The following NUP133 variants were observed in gnomAD, a reference collection of about 807,000 sequenced individuals.
The protein encoded by NUP133 is nuclear pore complex protein Nup133.
A neutral mutation model predicts 146.2 loss-of-function variants in NUP133; 66 were observed. That is an observed-to-expected ratio of 0.45 (90% CI 0.37 to 0.55). The LOEUF is 0.55. Among genes scored for constraint, NUP133 ranks in the 20% least tolerant of loss-of-function variants. The probability of loss-of-function intolerance (pLI) is 0.00; values close to 1 mark genes in which losing one functional copy is unlikely to be tolerated. For missense variants in NUP133, 1,277 were observed against 1,374.8 expected (o/e 0.93, Z 1.12); for synonymous variants, 521 against 498.8 (o/e 1.04, Z -0.59).
chr1:229,456,806 T>A (rs1660578437), intron 21 of NUP133, among the ~76,000 whole-genome samples: 1 of 151,818 alleles, frequency 6.6e-6, no homozygotes, highest in South Asian at 2.1e-4. Flanking sequence ...TATCTATCTA[T>A]CTACATATAT....
intron 25 of NUP133, among the ~76,000 whole-genome samples, chr1:229,443,893 TC>T (rs1558086184): frequency 8.3e-5 from 11 of 132,898 alleles, no homozygotes; most frequent in African/African-American, 1.7e-4. Flanking sequence ...TGTGCTCAAC[TC>T]TTTTTTTTTT....
At chr1:229,447,888 A>T (rs1377723780) in intron 24 of NUP133, among the ~76,000 whole-genome samples, 2 of 152,178 alleles carry the variant, frequency 1.3e-5, no homozygotes, top group African/African-American at 4.8e-5. Flanking sequence ...ATGAGACAGG[A>T]GGTCAGCAGG....
In NUP133 at chr1:229,470,724, G is replaced by T. The variant is rs374819603; in HGVS notation, c.1932C>A (p.Ala644=). The T allele has an allele frequency of 6.2e-7, 1 of 1,614,152 alleles. No homozygotes were observed. The highest frequency in any genetic ancestry group is 2.2e-5 in the East Asian group (1 of 44,878). Residue 644 remains alanine, a synonymous_variant, in exon 15 of 26, where the codon GCC becomes GCA. Coordinates refer to ENST00000261396, the MANE Select transcript of NUP133 (RefSeq NM_018230.3). ...MATRLLLCEH[A]EKLSAAIVLK... Reference sequence around the variant, plus strand: ...GAACAATGGCGGCTGACAGCTTTTCGGCATGCTCACAGAGCAACAGTCGAG... The same window carrying T: ...GAACAATGGCGGCTGACAGCTTTTCTGCATGCTCACAGAGCAACAGTCGAG...
chr1:229,460,637 C>T lies in NUP133; in HGVS notation c.2818G>A (p.Glu940Lys). The change falls in exon 20 of 26, where the codon GAA (glutamate) becomes AAA (lysine). Residue 940 changes from glutamate to lysine, a missense_variant. Around this residue, in one of 3 missense-constraint regions of NUP133, gnomAD observed 952 missense variants for 1,047.0 expected, o/e 0.91. Transcript: ENST00000261396. ...TTTTCTAATTCTTGGCTATTAATTTCATGTAACCAGCTGAGATGTTCATGA... is the reference window on the plus strand; with the variant it reads ...TTTTCTAATTCTTGGCTATTAATTTTATGTAACCAGCTGAGATGTTCATGA... ...QAHEHLSWLHEINSQELEKAH... is the reference protein window; with the variant it reads ...QAHEHLSWLHKINSQELEKAH... 1 of 1,613,892 alleles carries T rather than the reference C, an allele frequency of 6.2e-7. No homozygotes were observed. The highest frequency in any genetic ancestry group is 8.5e-7 in the Non-Finnish European group (1 of 1,179,944).
intron 3 of NUP133, among the ~76,000 whole-genome samples, chr1:229,501,320 T>C (rs891538368): frequency 6.6e-6 from 1 of 152,216 alleles, no homozygotes; most frequent in African/African-American, 2.4e-5. Context: ...TAACTCAGTA[T>C]GTCCCCCAGG....
At chr1:229,445,854 T>G (rs1166993338) in intron 24 of NUP133, among the ~76,000 whole-genome samples, 2 of 152,176 alleles carry the variant, frequency 1.3e-5, no homozygotes, top group East Asian at 3.8e-4. Context: ...AACAGCAATT[T>G]TAACTATTTT....
intron 2 of NUP133, among the ~76,000 whole-genome samples, chr1:229,505,427 C>T (rs1250828654): frequency 6.6e-6 from 1 of 152,008 alleles, no homozygotes; most frequent in South Asian, 2.1e-4. Context: ...CAGGCATCCA[C>T]TGGGGATCCT....
At chr1:229,451,817 A>C (rs1425051815) in intron 22 of NUP133, among the ~76,000 whole-genome samples, 1 of 152,202 alleles carries the variant, frequency 6.6e-6, no homozygotes, top group Non-Finnish European at 1.5e-5. Flanking sequence ...TATTAAAATT[A>C]ATAATGCATT....
chr1:229,492,706 C>G (rs1406683501), intron 8 of NUP133, among the ~76,000 whole-genome samples: 1 of 151,904 alleles, frequency 6.6e-6, no homozygotes, highest in South Asian at 2.1e-4. Context: ...TAAGTGGGAG[C>G]TAAGCTATGA....
intron 12 of NUP133, 140 bp from the exon 13 acceptor site, chr1:229,477,900 G>A (rs985234022): frequency 4.0e-5 from 23 of 579,848 alleles, no homozygotes; most frequent in Non-Finnish European, 6.9e-5. Flanking sequence ...GGATGGAACT[G>A]GAGGACATGT....
At chr1:229,444,846 CA>C (rs67514588) in intron 25 of NUP133, 67 bp downstream of exon 25, 178 of 1,040,050 alleles carry the variant, frequency 1.7e-4, no homozygotes, top group Middle Eastern at 5.0e-4. Flanking sequence ...GACTCCGTCT[CA>C]AAAAAAAACC....
In NUP133 at chr1:229,498,262, C is replaced by A. The variant is rs769601642; in HGVS notation, c.693G>T (p.Arg231=). The change falls in exon 6 of 26, where the codon CGG becomes CGT. Residue 231 remains arginine (R), a synonymous_variant. Transcript: ENST00000261396. ...ILSSSGSQLI[R]LIPESSGKIH... Reference sequence around the variant, plus strand: ...TCTTTCCTGAGCTCTCAGGTATCAACCGAATTAGTTGGCTTCCTGATGAAG... The same window carrying A: ...TCTTTCCTGAGCTCTCAGGTATCAAACGAATTAGTTGGCTTCCTGATGAAG... The A allele has an allele frequency of 3.1e-6, 5 of 1,605,538 alleles. No homozygotes were observed. The highest frequency in any genetic ancestry group is 4.2e-6 in the Non-Finnish European group (5 of 1,177,668).
chr1:229,451,355 G>A (rs1260693825), intron 22 of NUP133, among the ~76,000 whole-genome samples: 1 of 151,842 alleles, frequency 6.6e-6, no homozygotes, highest in Non-Finnish European at 1.5e-5. Context: ...GCTGTGACAG[G>A]GCCACTGCAC....
At chr1:229,503,522 T>C (rs1366112274) in intron 2 of NUP133, among the ~76,000 whole-genome samples, 1 of 152,240 alleles carries the variant, frequency 6.6e-6, no homozygotes, top group East Asian at 1.9e-4. Flanking sequence ...ATCTTAAGTA[T>C]TGGTGGTAAA....
At chr1:229,482,098 T>C (rs1458273677) in intron 12 of NUP133, among the ~76,000 whole-genome samples, 1 of 152,238 alleles carries the variant, frequency 6.6e-6, no homozygotes, top group Non-Finnish European at 1.5e-5. Flanking sequence ...TTTTGAAGAC[T>C]GAACCATGTA....
At chr1:229,477,838 GACT>G in intron 12 of NUP133, 78 bp from the exon 13 acceptor site, 1 of 1,127,266 alleles carries the variant, frequency 8.9e-7, no homozygotes, top group Non-Finnish European at 1.3e-6. Context: ...ATTAATTATG[GACT>G]ACTATTCAGC....
chr1:229,444,112 C>T (rs1660250730), intron 25 of NUP133, among the ~76,000 whole-genome samples: 1 of 151,976 alleles, frequency 6.6e-6, no homozygotes, highest in South Asian at 2.1e-4. Context: ...GCGGGCAGAT[C>T]ACGAGGTCAG....
At chr1:229,502,819 C>T (rs902979541) in intron 2 of NUP133, among the ~76,000 whole-genome samples, 37 of 149,462 alleles carry the variant, frequency 2.5e-4, no homozygotes, top group Admixed American at 1.9e-3. Context: ...AAAAAAATAG[C>T]CAGGCTTGGC....
At chr1:229,452,425 A>G in intron 22 of NUP133, 100 bp downstream of exon 22, 1 of 807,414 alleles carries the variant, frequency 1.2e-6, no homozygotes, top group Non-Finnish European at 1.8e-6. Flanking sequence ...GGTAGGCAGT[A>G]GAACAATAAC....
Sources: gnomAD v4.1 joint callset for allele counts (sites outside exome capture counted in the v4.1 genomes callset) on GRCh38, gnomAD v4.1.1 for gene constraint, gnomAD v4.1.1 regional missense constraint, MANE v1.5 for transcripts, NCBI Gene and HGNC (gene_info 2026-07-23, HGNC 2026-07-21) for gene names.